Variants in FNBP1 observed in about 807,000 individuals in gnomAD.
FNBP1 encodes the protein formin-binding protein 1.
A neutral mutation model predicts 90.6 loss-of-function variants in FNBP1; 26 were observed. The observed-to-expected ratio is 0.29, with a 90% CI of 0.21 to 0.40. The LOEUF is 0.40. Among genes scored for constraint, FNBP1 ranks in the 10% least tolerant of loss-of-function variants. The probability of loss-of-function intolerance (pLI) is 1.00; values close to 1 mark genes in which losing one functional copy is unlikely to be tolerated. For synonymous variants in FNBP1, 260 were observed against 265.2 expected, an observed-to-expected ratio of 0.98 and a Z score of 0.19; for missense variants, 635 against 768.0, an observed-to-expected ratio of 0.83 and a Z score of 2.05.
chr9:130,009,906 G>A (rs1589241170), intron 1 of FNBP1, among the ~76,000 whole-genome samples: 2 of 150,936 alleles, frequency 1.3e-5, no homozygotes, highest in African/African-American at 4.9e-5. Context: ...TTGAATTTAA[G>A]AGGAGGAGGT....
intron 2 of FNBP1, among the ~76,000 whole-genome samples, chr9:129,979,806 A>T (rs1016125820): frequency 2.0e-5 from 3 of 151,364 alleles, no homozygotes; most frequent in Admixed American, 1.3e-4. Context: ...CATCTGGCTA[A>T]TTTTTTTTGT....
In FNBP1 at chr9:130,041,840, G is replaced by C. The variant is rs1192835729; in HGVS notation, c.24+1112C>G. On this transcript the variant is annotated intron_variant, in intron 1 of 16. Transcript: ENST00000446176. This position sits in a 1 kb window ranked among gnomAD's most constrained non-coding sequence, Gnocchi z 4.3. ...AATTGCTCTAACCTTGTTTTATTTT[G>C]ATATGAGATTTCTTGGCCTCATCTC... Among the ~76,000 whole-genome samples, 1 of 152,110 alleles carries C rather than the reference G, an allele frequency of 6.6e-6. No homozygotes were observed. The highest frequency in any genetic ancestry group is 1.9e-4 in the East Asian group (1 of 5,190).
In FNBP1 at chr9:130,037,220, C is replaced by G. The variant is rs1307046381; in HGVS notation, c.24+5732G>C. Among the ~76,000 whole-genome samples, 27 of 150,646 alleles carry G rather than the reference C, an allele frequency of 1.8e-4. 1 individual carries two copies. Among genetic ancestry groups the G allele is most frequent in the Admixed American group, 1.8e-3 (27 of 15,076 alleles). On this transcript the variant is annotated intron_variant, in intron 1 of 16. Transcript: ENST00000446176. ...ATGAAAAATACAAAAATTGGCAGGG[C>G]ATGGTGGTGGGGGCCTGCAGCTACT... is the stretch of plus-strand genomic sequence containing the variant.
chr9:130,051,113 C>G, the FNBP1 span, among the ~76,000 whole-genome samples: 3 of 152,060 alleles, frequency 2.0e-5, no homozygotes, highest in Non-Finnish European at 4.4e-5. Flanking sequence ...GTTAGCTAGG[C>G]TGGTCTCAGA....
chr9:129,962,956 G>A (rs2048037954), intron 4 of FNBP1, among the ~76,000 whole-genome samples: 1 of 151,420 alleles, frequency 6.6e-6, no homozygotes, highest in African/African-American at 2.4e-5. Flanking sequence ...TTTTTGGAAG[G>A]CACCTCTGGT....
intron 11 of FNBP1, among the ~76,000 whole-genome samples, chr9:129,913,100 C>T (rs576823794): frequency 1.8e-4 from 27 of 152,012 alleles, no homozygotes; most frequent in South Asian, 1.2e-3. Flanking sequence ...CCCAGCTACT[C>T]GGGAGGCTGA....
rs1006249798 is a variant in FNBP1, at chr9:129,888,016, G to A, written c.*2523C>T. 8.6e-6 allele frequency: 2 copies of A among 232,446 alleles called. No homozygotes were observed. Among genetic ancestry groups the A allele is most frequent in the Non-Finnish European group, 1.7e-5 (2 of 117,578 alleles). 14.4% of individuals were successfully genotyped at this position (232,446 alleles called of 1,614,324 possible). A position where few individuals can be genotyped will look rare whatever the true frequency, so the allele number is the denominator to read the frequency against. On this transcript the variant is annotated 3_prime_UTR_variant, in exon 17 of 17. Coordinates refer to ENST00000446176, the MANE Select transcript of FNBP1 (RefSeq NM_015033.3). The stretch of plus-strand genomic sequence containing the variant: ...AGCAGTGAGCTTTTCATGGAGCCAC[G>A]CAGACTGGCCCGGAAGCAACACCCA...
intron 6 of FNBP1, among the ~76,000 whole-genome samples, chr9:129,953,830 G>C (rs1315255095): frequency 6.6e-6 from 1 of 150,790 alleles, no homozygotes; most frequent in African/African-American, 2.4e-5. Flanking sequence ...GGGAATGGGG[G>C]TGGTGGGGGA....
chr9:130,016,284 T>A (rs2057228503), intron 1 of FNBP1, among the ~76,000 whole-genome samples: 1 of 152,090 alleles, frequency 6.6e-6, no homozygotes, highest in Admixed American at 6.6e-5. Context: ...GTGAATGGGA[T>A]TAGTGCCCTT....
Position 129,945,463 on chromosome 9 carries a change from G to A in FNBP1, c.513+11897C>T, listed in dbSNP as rs78992222. ...CAGACATTTTAGAAGAAACAGAAAC[G>A]TGGGGAAGGCACTGAAGATATTAAC... On this transcript the variant is annotated intron_variant, in intron 6 of 16. Coordinates refer to ENST00000446176, the MANE Select transcript of FNBP1 (RefSeq NM_015033.3). Among the ~76,000 whole-genome samples the A allele has an allele frequency of 5.0e-3, 755 of 152,274 alleles. 3 individuals are homozygous for A. Among genetic ancestry groups the A allele is most frequent in the Non-Finnish European group, 8.4e-3 (568 of 68,020 alleles).
In FNBP1 at chr9:129,895,977, A is replaced by C. The variant is rs1331869362; in HGVS notation, c.1707T>G (p.Ile569Met). The change falls in exon 16 of 17, where the codon ATT (isoleucine) becomes ATG (methionine). Residue 569 changes from isoleucine (I) to methionine (M), a missense_variant. Coordinates refer to ENST00000446176, the MANE Select transcript of FNBP1 (RefSeq NM_015033.3). ...YTFEGQNEGT[I>M]SVVEGETLYV... is the part of the protein sequence containing the mutation. ...ACAATGTTTCTCCTTCAACTACGGA[A>C]ATCGTTCCTTCATTCTGACCTGAAA... 6.2e-7 allele frequency: 1 copy of C among 1,609,570 alleles called. No homozygotes were observed. The highest frequency in any genetic ancestry group is 1.7e-5 in the Admixed American group (1 of 58,956).
chr9:129,984,530 G>A (rs1015308271), intron 2 of FNBP1, among the ~76,000 whole-genome samples: 2 of 152,162 alleles, frequency 1.3e-5, no homozygotes, highest in Non-Finnish European at 2.9e-5. Flanking sequence ...CCAAGGCCTT[G>A]GGCAGGAGCC....
chr9:129,970,046 G>A (rs1278613649), intron 4 of FNBP1, among the ~76,000 whole-genome samples: 3 of 150,424 alleles, frequency 2.0e-5, no homozygotes, highest in South Asian at 2.1e-4. Flanking sequence ...CTCCCACCAC[G>A]CCTGGCTAAG....
intron 10 of FNBP1, among the ~76,000 whole-genome samples, chr9:129,916,989 T>C (rs1564320996): frequency 6.6e-6 from 1 of 151,724 alleles, no homozygotes; most frequent in Non-Finnish European, 1.5e-5. Flanking sequence ...TCCACAGGGG[T>C]TATTTGGAGA....
chr9:129,905,292 G>GTATATATATATATATATATATA (rs71497501), intron 12 of FNBP1, among the ~76,000 whole-genome samples: 1 of 56,256 alleles, frequency 1.8e-5, no homozygotes, highest in South Asian at 1.2e-3. Context: ...GTGTGTGTGT[G>GTATATATATATATATATATATA]TGTATATATA....
At chr9:129,923,133 G>C (rs2041341110) in intron 10 of FNBP1, among the ~76,000 whole-genome samples, 1 of 152,060 alleles carries the variant, frequency 6.6e-6, no homozygotes, top group South Asian at 2.1e-4. Flanking sequence ...AAAGTGCTAG[G>C]ATTACAGATG....
chr9:129,922,608 G>A (rs1200031120), intron 10 of FNBP1, among the ~76,000 whole-genome samples: 2 of 152,184 alleles, frequency 1.3e-5, no homozygotes, highest in Non-Finnish European at 2.9e-5. Flanking sequence ...TGCTCAGTAA[G>A]TGTCAGCTGC....
intron 8 of FNBP1, among the ~76,000 whole-genome samples, chr9:129,926,007 TG>T (rs1476438100): frequency 6.6e-6 from 1 of 152,102 alleles, no homozygotes; most frequent in Non-Finnish European, 1.5e-5. Flanking sequence ...AGTCTCGCTC[TG>T]TCACTCAGAC....
At chr9:129,978,398 C>A (rs2050683958) in intron 4 of FNBP1, 67 bp downstream of exon 4, 1 of 1,300,594 alleles carries the variant, frequency 7.7e-7, no homozygotes, top group Non-Finnish European at 1.1e-6. Context: ...TAATTTTAAT[C>A]TTCTAGGGAT....
Sources: allele counts gnomAD v4.1 joint callset (sites outside exome capture counted in the v4.1 genomes callset), GRCh38; gene constraint gnomAD v4.1.1; non-coding constraint Gnocchi (gnomAD v3.1); transcripts MANE v1.5; gene names NCBI Gene and HGNC (gene_info 2026-07-23, HGNC 2026-07-21).